USP15: variants seen among roughly 807,000 people sequenced by gnomAD.
USP15 encodes the protein ubiquitin specific peptidase 15, also known as ubiquitin carboxyl-terminal hydrolase 15.
Under a neutral mutation model 127.1 loss-of-function variants are expected in USP15, and 18 were observed. The observed-to-expected ratio is 0.14, with a 90% confidence interval of 0.10 to 0.21. The LOEUF is 0.21. Among genes scored for constraint, USP15 ranks in the 10% least tolerant of loss-of-function variants. The pLI is 1.00. For missense variants in USP15, 805 were observed against 1,159.9 expected (o/e 0.69, Z 4.44); for synonymous variants, 364 against 393.7 (o/e 0.92, Z 0.89).
Position 62,328,717 on chromosome 12 carries a change from G to A in USP15, c.683+2784G>A, listed in dbSNP as rs115674678. On this transcript the variant is annotated intron_variant, in intron 6 of 21. Transcript: ENST00000280377. The stretch of plus-strand genomic sequence containing the variant: ...ATAGACCAATACAGGTCCAGAATTA[G>A]CTGAGTCAGTTTTGACAGAAAGAGG... Among the ~76,000 whole-genome samples, 561 of 152,134 alleles carry A rather than the reference G, an allele frequency of 3.7e-3. 5 individuals carry two copies. The highest frequency in any genetic ancestry group is 0.013 in the African/African-American group (528 of 41,500).
At chr12:62,396,173 GATATAT>G in intron 19 of USP15, 116 bp from the exon 20 acceptor site, 1 of 471,502 alleles carries the variant, frequency 2.1e-6, no homozygotes, top group Non-Finnish European at 3.6e-6. Context: ...TATATAGATA[GATATAT>G]ATAGATGGAT....
intron 4 of USP15, among the ~76,000 whole-genome samples, chr12:62,319,908 A>C (rs1221452624): frequency 6.6e-6 from 1 of 152,184 alleles, no homozygotes; most frequent in East Asian, 1.9e-4. Flanking sequence ...ATTTTTATAG[A>C]AAGATTAAAA....
intron 4 of USP15, among the ~76,000 whole-genome samples, chr12:62,321,102 T>G (rs924637836): frequency 1.3e-5 from 2 of 152,144 alleles, no homozygotes; most frequent in Non-Finnish European, 2.9e-5. Context: ...CTGTAACATC[T>G]CTTAATCATA....
chr12:62,304,661 C>T (rs369591329), intron 3 of USP15: 3 of 444,112 alleles, frequency 6.8e-6, no homozygotes, highest in Non-Finnish European at 1.4e-5. Context: ...CTCTAAAATG[C>T]GTCATTTATA....
chr12:62,355,370 T>A lies in USP15; in HGVS notation c.810T>A (p.Ala270=), dbSNP rs1413709140. 6.2e-7 allele frequency: 1 copy of A among 1,611,120 alleles called. No homozygotes were observed. The change falls in exon 8 of 22, where the codon GCT becomes GCA. Residue 270 remains alanine (A), a synonymous_variant. Coordinates refer to ENST00000280377, the MANE Select transcript of USP15 (RefSeq NM_001252078.2). ...NSNYCLPSYT[A]YKNYDYSEPG... Reference sequence around the variant, plus strand: ...ATTACTGTCTTCCATCATATACCGCTTATAAGAACTATGATTATTCGGAAC... The same window carrying A: ...ATTACTGTCTTCCATCATATACCGCATATAAGAACTATGATTATTCGGAAC...
chr12:62,401,784 TA>T (rs567812611), intron 21 of USP15, among the ~76,000 whole-genome samples: 1 of 151,108 alleles, frequency 6.6e-6, no homozygotes, highest in Non-Finnish European at 1.5e-5. Context: ...TTCTGAATAG[TA>T]AAAAAAATGA....
At chr12:62,351,789 T>G (rs2065974087) in intron 7 of USP15, among the ~76,000 whole-genome samples, 1 of 152,034 alleles carries the variant, frequency 6.6e-6, no homozygotes, top group South Asian at 2.1e-4. Context: ...TGAGGTACCA[T>G]GAAGCTGTGA....
intron 11 of USP15, 25 bp downstream of exon 11, chr12:62,384,327 GTTT>G (rs58138194): frequency 0.29 from 299,305 of 1,039,400 alleles, 8,842 homozygotes; most frequent in African/African-American, 0.41. Flanking sequence ...GGTTTGTTTT[GTTT>G]TTTTTTTTTT....
In USP15 at chr12:62,404,369, T is replaced by C; in HGVS notation, c.2940T>C (p.Thr980=). The C allele has an allele frequency of 6.3e-7, 1 of 1,593,424 alleles. No homozygotes were observed. The change falls in exon 22 of 22, where the codon ACT becomes ACC. Residue 980 remains threonine (T), a synonymous_variant. Coordinates refer to ENST00000280377, the MANE Select transcript of USP15 (RefSeq NM_001252078.2). ...TAGAAAATGAAAACTGTATGCACAC[T>C]AACTAATGAAAGTCCTAGAAGCCAT... is the stretch of plus-strand genomic sequence containing the variant. ...NDIENENCMH[T]N
intron 6 of USP15, among the ~76,000 whole-genome samples, chr12:62,345,903 G>A (rs980802359): frequency 1.1e-4 from 17 of 151,980 alleles, no homozygotes; most frequent in Non-Finnish European, 2.5e-4. Flanking sequence ...GAACTGCATG[G>A]GAAAGACCCG....
intron 8 of USP15, among the ~76,000 whole-genome samples, chr12:62,356,296 C>T (rs767557307): frequency 1.3e-5 from 2 of 151,630 alleles, no homozygotes; most frequent in South Asian, 4.2e-4. Context: ...ATCTCCTATG[C>T]CCAGGAGGCA....
At chr12:62,401,350 G>A (rs1454373141) in intron 21 of USP15, 75 bp downstream of exon 21, 4 of 1,150,796 alleles carry the variant, frequency 3.5e-6, no homozygotes, top group African/African-American at 3.1e-5. Context: ...AATAAAAGGG[G>A]CTCATGGAAC....
chr12:62,276,236 A>G (rs1003789101), intron 1 of USP15, among the ~76,000 whole-genome samples: 2 of 152,134 alleles, frequency 1.3e-5, no homozygotes, highest in Non-Finnish European at 2.9e-5. Flanking sequence ...AACACAGTCA[A>G]ATGTCTTAGT....
At chr12:62,318,681 T>C (rs1214797272) in intron 4 of USP15, among the ~76,000 whole-genome samples, 1 of 152,178 alleles carries the variant, frequency 6.6e-6, no homozygotes, top group Admixed American at 6.5e-5. Context: ...GTTTGAACTA[T>C]CCCATATCTT....
At chr12:62,338,150 C>T (rs1221859498) in intron 6 of USP15, among the ~76,000 whole-genome samples, 1 of 152,136 alleles carries the variant, frequency 6.6e-6, no homozygotes, top group Non-Finnish European at 1.5e-5. Context: ...CTTTTGTTTC[C>T]TGACTTTTTA....
At chr12:62,379,194 G>A (rs754129492) in intron 8 of USP15, among the ~76,000 whole-genome samples, 8 of 114,996 alleles carry the variant, frequency 7.0e-5, no homozygotes, top group Non-Finnish European at 1.5e-4. Flanking sequence ...ATAGAAGTTA[G>A]TAAGGCCAAA....
In USP15 at chr12:62,313,752, A is replaced by G. The variant is rs1348112395; in HGVS notation, c.349-1038A>G. Among the ~76,000 whole-genome samples the G allele has an allele frequency of 3.3e-5, 5 of 151,864 alleles. No homozygotes were observed. In the East Asian group the frequency reaches 9.6e-4, roughly 29 times the overall value. ...TACAGGCTGCTACCTGTTTAAAAAA[A>G]TTGTAACAAGTATGATTAAGAAAAT... On this transcript the variant is annotated intron_variant, in intron 3 of 21. Coordinates refer to ENST00000280377, the MANE Select transcript of USP15 (RefSeq NM_001252078.2).
At position 62,391,370 on chromosome 12, in the gene USP15, ACTACAT is replaced by A. The variant is rs1472670853; in HGVS notation, c.2176_2181del (p.Tyr726_Ile727del). ...AACAACTTAGGCAATACTGATATCA[ACTACAT>A]CAAAGATGATACCAGGCATATAAGA... On this transcript the variant is annotated inframe_deletion, in exon 16 of 22. Coordinates refer to ENST00000280377, the MANE Select transcript of USP15 (RefSeq NM_001252078.2). 1 of 1,613,088 alleles carries A rather than the reference ACTACAT, an allele frequency of 6.2e-7. No individual in the cohort carries two copies. Among genetic ancestry groups the A allele is most frequent in the Non-Finnish European group, 8.5e-7 (1 of 1,179,512 alleles).
intron 6 of USP15, among the ~76,000 whole-genome samples, chr12:62,344,317 A>G (rs2065742898): frequency 6.6e-6 from 1 of 152,202 alleles, no homozygotes; most frequent in Non-Finnish European, 1.5e-5. Context: ...GCCCAGTGCA[A>G]GTCCGAAATC....
Sources: allele counts gnomAD v4.1 joint callset (sites outside exome capture counted in the v4.1 genomes callset), GRCh38; gene constraint gnomAD v4.1.1; transcripts MANE v1.5; gene names NCBI Gene and HGNC (gene_info 2026-07-23, HGNC 2026-07-21).